PLXDC2: variants seen among roughly 807,000 people sequenced by gnomAD.
The protein encoded by PLXDC2 is plexin domain containing 2.
A neutral mutation model predicts 68.9 loss-of-function variants in PLXDC2; 40 were observed. The ratio of observed to expected loss-of-function variants is 0.58; its 90% CI spans 0.45 to 0.76. PLXDC2 has a LOEUF of 0.76. PLXDC2 is among the 30% of genes least tolerant of loss of function. PLXDC2 has a pLI of 0.00. For synonymous variants in PLXDC2, 243 were observed against 234.2 expected (o/e 1.04, Z -0.34); for missense variants, 644 against 661.9 (o/e 0.97, Z 0.30).
intron 1 of PLXDC2, among the ~76,000 whole-genome samples, chr10:19,971,245 G>A (rs1240456009): frequency 1.3e-5 from 2 of 152,172 alleles, no homozygotes; most frequent in Non-Finnish European, 2.9e-5. Flanking sequence ...GAGAATGAGA[G>A]GAGTGAATGT....
intron 3 of PLXDC2, among the ~76,000 whole-genome samples, chr10:20,053,167 C>T (rs1286999809): frequency 6.6e-6 from 1 of 152,010 alleles, no homozygotes; most frequent in Admixed American, 6.6e-5. Context: ...TATCTCTTTC[C>T]TTTTATCATC....
intron 12 of PLXDC2, among the ~76,000 whole-genome samples, chr10:20,244,936 G>A (rs2119334178): frequency 6.6e-6 from 1 of 152,210 alleles, no homozygotes; most frequent in Middle Eastern, 3.4e-3. Flanking sequence ...CCAACATGGT[G>A]AAATCCCATC....
chr10:20,025,341 G>A (rs139012494), intron 2 of PLXDC2, among the ~76,000 whole-genome samples: 33 of 151,038 alleles, frequency 2.2e-4, no homozygotes, highest in African/African-American at 5.8e-4. Flanking sequence ...TCAACTCACC[G>A]CAACCTCCAC....
chr10:19,882,144 C>T (rs1014798468), intron 1 of PLXDC2, among the ~76,000 whole-genome samples: 1 of 152,178 alleles, frequency 6.6e-6, no homozygotes, highest in Non-Finnish European at 1.5e-5. Flanking sequence ...GGAACTCCAG[C>T]TGATACTGAA....
chr10:19,945,639 G>T (rs948168689), intron 1 of PLXDC2, among the ~76,000 whole-genome samples: 19 of 152,150 alleles, frequency 1.2e-4, no homozygotes, highest in African/African-American at 4.3e-4. Flanking sequence ...TGAATTGTCT[G>T]TGGGCTCATC....
At chr10:20,072,554 A>AGAAAGAAAGAAC (rs1836353370) in intron 4 of PLXDC2, among the ~76,000 whole-genome samples, 1 of 84,336 alleles carries the variant, frequency 1.2e-5, no homozygotes, top group Non-Finnish European at 2.8e-5. Flanking sequence ...AAAGAAAGAA[A>AGAAAGAAAGAAC]AGGAAAGAAA....
chr10:19,868,022 G>C (rs1468284551), intron 1 of PLXDC2, among the ~76,000 whole-genome samples: 1 of 152,100 alleles, frequency 6.6e-6, no homozygotes, highest in African/African-American at 2.4e-5. Context: ...AATTAAAACT[G>C]TTATCTGGGG....
At chr10:19,974,664 T>C (rs1445321828) in intron 1 of PLXDC2, among the ~76,000 whole-genome samples, 1 of 152,216 alleles carries the variant, frequency 6.6e-6, no homozygotes, top group Non-Finnish European at 1.5e-5. Flanking sequence ...GTAAATGCCC[T>C]ATACTATCTC....
chr10:19,865,221 T>C (rs1837391165), intron 1 of PLXDC2, among the ~76,000 whole-genome samples: 1 of 152,194 alleles, frequency 6.6e-6, no homozygotes, highest in Admixed American at 6.5e-5. Flanking sequence ...TCTCAGTGAC[T>C]CTTCACCTGT....
At chr10:20,079,883 T>C (rs1161366672) in intron 4 of PLXDC2, among the ~76,000 whole-genome samples, 3 of 152,106 alleles carry the variant, frequency 2.0e-5, no homozygotes, top group Non-Finnish European at 4.4e-5. Context: ...CAAACCACCA[T>C]GGCACATGTA....
intron 1 of PLXDC2, among the ~76,000 whole-genome samples, chr10:19,849,760 C>T (rs1379878147): frequency 6.6e-6 from 1 of 152,036 alleles, no homozygotes; most frequent in Non-Finnish European, 1.5e-5. Flanking sequence ...TGAGAACAGA[C>T]TAATACAGTA....
intron 1 of PLXDC2, among the ~76,000 whole-genome samples, chr10:19,931,122 G>T (rs560955274): frequency 6.6e-6 from 1 of 152,354 alleles, no homozygotes; most frequent in African/African-American, 2.4e-5. Flanking sequence ...AGCTTGTCTG[G>T]TTAGTTAGAT....
At chr10:19,941,838 T>G (rs1435373576) in intron 1 of PLXDC2, among the ~76,000 whole-genome samples, 2 of 152,236 alleles carry the variant, frequency 1.3e-5, no homozygotes, top group Non-Finnish European at 2.9e-5. Context: ...TACTGTGGAT[T>G]GTTTCACATA....
At chr10:20,060,173 C>T (rs1391908021) in intron 3 of PLXDC2, among the ~76,000 whole-genome samples, 1 of 152,074 alleles carries the variant, frequency 6.6e-6, no homozygotes, top group Non-Finnish European at 1.5e-5. Flanking sequence ...GCTGGGATTG[C>T]AGGCCAACAT....
intron 5 of PLXDC2, among the ~76,000 whole-genome samples, chr10:20,145,922 A>C (rs1834071154): frequency 6.6e-6 from 1 of 152,140 alleles, no homozygotes; most frequent in Non-Finnish European, 1.5e-5. Flanking sequence ...TTGGCATTAA[A>C]AACTTTAATT....
At chr10:19,900,544 CCACATAGT>C (rs1838140878) in intron 1 of PLXDC2, among the ~76,000 whole-genome samples, 10 of 152,082 alleles carry the variant, frequency 6.6e-5, no homozygotes, top group African/African-American at 2.4e-4. Flanking sequence ...TTATCAACAT[CCACATAGT>C]TTTGGAAATA....
chr10:19,876,017 T>C (rs969201444), intron 1 of PLXDC2, among the ~76,000 whole-genome samples: 19 of 152,222 alleles, frequency 1.2e-4, no homozygotes, highest in African/African-American at 4.6e-4. Flanking sequence ...AGCATTTTCT[T>C]CAGACGGACT....
chr10:20,125,360 CA>C (rs1833758364), intron 4 of PLXDC2, among the ~76,000 whole-genome samples: 1 of 152,126 alleles, frequency 6.6e-6, no homozygotes, highest in Admixed American at 6.6e-5. Flanking sequence ...CGAGCAAACA[CA>C]ATTGGATGGT....
chr10:19,892,142 A>G (rs1413208884), intron 1 of PLXDC2, among the ~76,000 whole-genome samples: 1 of 152,218 alleles, frequency 6.6e-6, no homozygotes, highest in Non-Finnish European at 1.5e-5. Context: ...TACTTAATAA[A>G]TGTTTACATA....
Sources: allele counts gnomAD v4.1 joint callset (sites outside exome capture counted in the v4.1 genomes callset), GRCh38; gene constraint gnomAD v4.1.1; transcripts MANE v1.5; gene names NCBI Gene and HGNC (gene_info 2026-07-23, HGNC 2026-07-21).